The following QTMAN variants were observed in gnomAD, a reference collection of about 807,000 sequenced individuals.
QTMAN encodes the protein tRNA-queuosine alpha-mannosyltransferase.
the QTMAN span, among the ~76,000 whole-genome samples, chr2:144,065,289 G>T: frequency 3.0e-4 from 46 of 152,170 alleles, no homozygotes; most frequent in Non-Finnish European, 5.9e-4. Context: ...AAAAACATTT[G>T]GGAAACATAA....
the QTMAN span, among the ~76,000 whole-genome samples, chr2:144,167,509 G>A: frequency 6.6e-6 from 1 of 152,150 alleles, no homozygotes; most frequent in Admixed American, 6.6e-5. Flanking sequence ...GGTGGGACCA[G>A]GTGGAGGTAA....
At chr2:144,295,544 T>C in the QTMAN span, among the ~76,000 whole-genome samples, 4 of 152,184 alleles carry the variant, frequency 2.6e-5, no homozygotes, top group African/African-American at 7.2e-5. Context: ...CCAGAAGTGA[T>C]TCAGCTCTCA....
the QTMAN span, among the ~76,000 whole-genome samples, chr2:144,332,720 G>T: frequency 6.6e-6 from 1 of 151,886 alleles, no homozygotes; most frequent in African/African-American, 2.4e-5. Context: ...CCAGCCCGCG[G>T]GCTCGGCTCC....
the QTMAN span, chr2:144,127,961 A>T: frequency 6.6e-6 from 1 of 152,142 alleles, no homozygotes; most frequent in Non-Finnish European, 1.5e-5. Context: ...TCAGCCAGCT[A>T]TCCCAACAGG....
the QTMAN span, among the ~76,000 whole-genome samples, chr2:144,020,758 G>C: frequency 2.0e-5 from 3 of 151,990 alleles, no homozygotes; most frequent in Non-Finnish European, 4.4e-5. Context: ...GGAAGAAACT[G>C]AGACAATGTA....
the QTMAN span, among the ~76,000 whole-genome samples, chr2:143,998,556 G>A: frequency 2.6e-5 from 4 of 151,686 alleles, no homozygotes; most frequent in African/African-American, 7.3e-5. Context: ...ATCTAGAAAA[G>A]CTATTGGATC....
chr2:144,192,042 T>C, the QTMAN span, among the ~76,000 whole-genome samples: 2 of 152,138 alleles, frequency 1.3e-5, no homozygotes, highest in Non-Finnish European at 2.9e-5. Context: ...AAGAAATGAA[T>C]GAAAAGATTT....
chr2:144,311,061 T>C, the QTMAN span, among the ~76,000 whole-genome samples: 1 of 152,204 alleles, frequency 6.6e-6, no homozygotes. Context: ...TCCATACAAG[T>C]CTGCTAGGCA....
At chr2:143,946,409 C>G in the QTMAN span, 1 of 152,368 alleles carries the variant, frequency 6.6e-6, no homozygotes, top group Non-Finnish European at 1.5e-5. Context: ...AATACCTTCA[C>G]TTAAAACCCC....
the QTMAN span, among the ~76,000 whole-genome samples, chr2:144,184,646 A>G: frequency 3.3e-5 from 5 of 152,166 alleles, no homozygotes; most frequent in Non-Finnish European, 7.4e-5. Flanking sequence ...TACCAATTAC[A>G]GAAGGGACTA....
chr2:144,119,340 C>A, the QTMAN span, among the ~76,000 whole-genome samples: 1 of 152,172 alleles, frequency 6.6e-6, no homozygotes, highest in Non-Finnish European at 1.5e-5. Flanking sequence ...GGAACTATTG[C>A]CTTTCTAAAA....
At chr2:144,074,190 C>T in the QTMAN span, among the ~76,000 whole-genome samples, 1 of 152,152 alleles carries the variant, frequency 6.6e-6, no homozygotes, top group Non-Finnish European at 1.5e-5. Context: ...AAAATACTGA[C>T]ATGATTGATT....
At chr2:144,244,305 T>G in the QTMAN span, among the ~76,000 whole-genome samples, 5 of 152,206 alleles carry the variant, frequency 3.3e-5, no homozygotes, top group Admixed American at 1.3e-4. Context: ...GAGCAACTAA[T>G]TACTGTCTTT....
the QTMAN span, among the ~76,000 whole-genome samples, chr2:143,962,012 T>C: frequency 6.6e-6 from 1 of 152,058 alleles, no homozygotes; most frequent in Non-Finnish European, 1.5e-5. Flanking sequence ...AGGGTATCAA[T>C]AAAAGCTGGG....
the QTMAN span, chr2:144,141,744 CATGGTGAG>C: frequency 1.7e-6 from 1 of 593,768 alleles, no homozygotes; most frequent in East Asian, 2.7e-5. Flanking sequence ...TAAATCACAG[CATGGTGAG>C]ATAGAACTTA....
the QTMAN span, among the ~76,000 whole-genome samples, chr2:144,131,842 T>G: frequency 6.6e-6 from 1 of 151,878 alleles, no homozygotes; most frequent in African/African-American, 2.4e-5. Flanking sequence ...GTTTCCTCAC[T>G]TGCAAAATGA....
At chr2:144,249,388 T>C in the QTMAN span, among the ~76,000 whole-genome samples, 2 of 152,220 alleles carry the variant, frequency 1.3e-5, no homozygotes. Flanking sequence ...GCTTTCAGAA[T>C]AGACCATGCA....
chr2:144,093,808 C>G, the QTMAN span, among the ~76,000 whole-genome samples: 1 of 152,080 alleles, frequency 6.6e-6, no homozygotes, highest in Non-Finnish European at 1.5e-5. Context: ...GTGTTACTGT[C>G]CATCCTTTAT....
the QTMAN span, chr2:143,945,056 T>G: frequency 6.6e-6 from 1 of 152,148 alleles, no homozygotes; most frequent in East Asian, 1.9e-4. Context: ...ATTTCTTGGC[T>G]GTGAGATAAT....
Sources: allele counts gnomAD v4.1 joint callset (sites outside exome capture counted in the v4.1 genomes callset), GRCh38; gene constraint gnomAD v4.1.1; transcripts MANE v1.5; gene names NCBI Gene and HGNC (gene_info 2026-07-23, HGNC 2026-07-21).